The following SLC39A11 variants were observed in gnomAD, a reference collection of about 807,000 sequenced individuals.
SLC39A11 encodes zinc transporter ZIP11.
Under a neutral mutation model 36.1 loss-of-function variants are expected in SLC39A11, and 33 were observed. The ratio of observed to expected loss-of-function variants is 0.91; its 90% CI spans 0.69 to 1.22. The LOEUF (loss-of-function observed/expected upper bound fraction) is 1.22. Ranked by LOEUF, SLC39A11 falls within the 50% of genes most tolerant of loss-of-function variation. The pLI is 0.00. For synonymous variants in SLC39A11, 166 were observed against 170.3 expected (o/e 0.97, Z 0.20); for missense variants, 432 against 430.3 (o/e 1.00, Z -0.03).
intron 5 of SLC39A11, among the ~76,000 whole-genome samples, chr17:72,887,940 A>C (rs1199757053): frequency 6.6e-6 from 1 of 152,206 alleles, no homozygotes; most frequent in Non-Finnish European, 1.5e-5. Flanking sequence ...AATTGTTTTC[A>C]ATGAGAATTT....
At chr17:72,874,880 C>T (rs1013912804) in intron 5 of SLC39A11, among the ~76,000 whole-genome samples, 2 of 152,150 alleles carry the variant, frequency 1.3e-5, no homozygotes, top group Non-Finnish European at 2.9e-5. Context: ...GAGTTTGGGA[C>T]CCAGTCATTC....
intron 6 of SLC39A11, among the ~76,000 whole-genome samples, chr17:72,832,071 A>G (rs1399318785): frequency 6.6e-6 from 1 of 152,244 alleles, no homozygotes; most frequent in Non-Finnish European, 1.5e-5. Context: ...GGTACAAGAT[A>G]TAAGACAAAA....
chr17:72,755,514 A>C (rs993213066), intron 6 of SLC39A11, among the ~76,000 whole-genome samples: 1 of 152,264 alleles, frequency 6.6e-6, no homozygotes, highest in Non-Finnish European at 1.5e-5. Flanking sequence ...GCCGACAATC[A>C]AGGTACCATC....
intron 7 of SLC39A11, among the ~76,000 whole-genome samples, chr17:72,670,083 T>C (rs910989600): frequency 1.2e-4 from 18 of 151,008 alleles, no homozygotes; most frequent in African/African-American, 4.2e-4. Context: ...CGTATAGATG[T>C]ATATACACAC....
chr17:72,976,848 C>CA (rs11420956), intron 4 of SLC39A11, among the ~76,000 whole-genome samples: 1,551 of 130,972 alleles, frequency 0.012, 32 homozygotes, highest in African/African-American at 0.039. Flanking sequence ...GACTCCGTCT[C>CA]AAAAAAAAAA....
At chr17:72,693,929 C>T (rs370587613) in intron 7 of SLC39A11, among the ~76,000 whole-genome samples, 9 of 152,186 alleles carry the variant, frequency 5.9e-5, no homozygotes, top group East Asian at 1.9e-4. Context: ...CCCAAAGTGC[C>T]GGGACCACAG....
At chr17:72,889,853 G>A (rs6501573) in intron 5 of SLC39A11, among the ~76,000 whole-genome samples, 6,251 of 152,198 alleles carry the variant, frequency 0.041, 437 homozygotes, top group African/African-American at 0.14. Flanking sequence ...AGGAAGCCAC[G>A]TGCTGTACTG....
At position 73,006,718 on chromosome 17, in the gene SLC39A11, A is replaced by AAAAAATCAGGAACATTTTATATCAAG. The variant is rs1363487378; in HGVS notation, c.306+24837_306+24838insCTTGATATAAAATGTTCCTGATTTTT. Among the ~76,000 whole-genome samples the AAAAAATCAGGAACATTTTATATCAAG allele has an allele frequency of 2.0e-5, 3 of 152,166 alleles. No homozygotes were observed. The East Asian group carries it at 5.8e-4, about 29-fold the overall frequency. On this transcript the variant is annotated intron_variant, in intron 4 of 9. Transcript: ENST00000255559. The stretch of plus-strand genomic sequence containing the variant: ...CCTACAAAAATTATCAGGAACACAA[A>AAAAAATCAGGAACATTTTATATCAAG]GACCCTTGATATAAAATGATGAATA...
intron 6 of SLC39A11, among the ~76,000 whole-genome samples, chr17:72,759,128 A>ATAT (rs1186124857): frequency 4.6e-5 from 7 of 151,748 alleles, no homozygotes; most frequent in Admixed American, 3.9e-4. Flanking sequence ...AATAATAATA[A>ATAT]TAAATAATCT....
chr17:72,705,486 A>C (rs2072851066), intron 7 of SLC39A11, among the ~76,000 whole-genome samples: 1 of 152,222 alleles, frequency 6.6e-6, no homozygotes, highest in South Asian at 2.1e-4. Context: ...TGTACCCTTG[A>C]CACCAGCTGG....
chr17:72,865,691 C>T (rs2080267090), intron 5 of SLC39A11, among the ~76,000 whole-genome samples: 2 of 152,066 alleles, frequency 1.3e-5, no homozygotes, highest in South Asian at 4.2e-4. Context: ...GAAATCAGCA[C>T]TCCATGCATG....
intron 7 of SLC39A11, among the ~76,000 whole-genome samples, chr17:72,701,235 A>G (rs999627140): frequency 2.6e-5 from 4 of 152,208 alleles, no homozygotes; most frequent in Non-Finnish European, 2.9e-5. Flanking sequence ...TTTCGCCTGA[A>G]GAGAGGGAGG....
chr17:72,878,875 T>C (rs910012224), intron 5 of SLC39A11, among the ~76,000 whole-genome samples: 1 of 152,208 alleles, frequency 6.6e-6, no homozygotes, highest in African/African-American at 2.4e-5. Flanking sequence ...TTCAGGTCAA[T>C]TGCAAGTAGT....
At chr17:72,759,322 A>C (rs2075483838) in intron 6 of SLC39A11, among the ~76,000 whole-genome samples, 1 of 152,218 alleles carries the variant, frequency 6.6e-6, no homozygotes, top group Non-Finnish European at 1.5e-5. Context: ...AAATGAGCAA[A>C]GGAACGGAAG....
intron 5 of SLC39A11, among the ~76,000 whole-genome samples, chr17:72,927,316 C>A (rs1429922716): frequency 6.6e-6 from 1 of 152,188 alleles, no homozygotes; most frequent in Non-Finnish European, 1.5e-5. Flanking sequence ...CGCACCTTGG[C>A]CTCCCAAAGT....
intron 6 of SLC39A11, among the ~76,000 whole-genome samples, chr17:72,742,177 T>G (rs1040281183): frequency 6.9e-6 from 1 of 145,442 alleles, no homozygotes; most frequent in Non-Finnish European, 1.5e-5. Flanking sequence ...CACTCCAGCC[T>G]GGGCGACAGT....
At chr17:72,706,625 A>C (rs1197310144) in intron 7 of SLC39A11, among the ~76,000 whole-genome samples, 2 of 152,234 alleles carry the variant, frequency 1.3e-5, no homozygotes, top group Non-Finnish European at 2.9e-5. Flanking sequence ...CTTGCCTGTC[A>C]GAAAGAATTT....
intron 6 of SLC39A11, among the ~76,000 whole-genome samples, chr17:72,828,279 T>C (rs534353034): frequency 6.6e-6 from 1 of 152,140 alleles, no homozygotes; most frequent in Non-Finnish European, 1.5e-5. Context: ...ACTGTAATCA[T>C]AAGGGTCCTT....
chr17:72,647,587 G>A lies in SLC39A11; in HGVS notation c.1005C>T (p.Gly335=), dbSNP rs2069612642. The change falls in exon 10 of 10, where the codon GGC becomes GGT. Residue 335 remains glycine (G), a synonymous_variant. Coordinates refer to ENST00000255559, the MANE Select transcript of SLC39A11 (RefSeq NM_139177.4). ...VVMMSLDVGL[G] ...CGGGGTCCGAAGCGTCTCAGCCCTA[G>A]CCCAGGCCAACGTCCAGTGACATCA... 1 of 1,613,542 alleles carries A rather than the reference G, an allele frequency of 6.2e-7. No homozygotes were observed. The highest frequency in any genetic ancestry group is 8.5e-7 in the Non-Finnish European group (1 of 1,179,828).
Sources: allele counts gnomAD v4.1 joint callset (sites outside exome capture counted in the v4.1 genomes callset), GRCh38; gene constraint gnomAD v4.1.1; transcripts MANE v1.5; gene names NCBI Gene and HGNC (gene_info 2026-07-23, HGNC 2026-07-21).